Variants in AIG1 observed in about 807,000 individuals in gnomAD.
AIG1 encodes androgen induced 1, also known as androgen-induced gene 1 protein.
A neutral mutation model predicts 31.4 loss-of-function variants in AIG1; 23 were observed. The observed-to-expected ratio is 0.73, with a 90% CI of 0.53 to 1.04. The LOEUF (loss-of-function observed/expected upper bound fraction) is 1.04. Among genes scored for constraint, AIG1 ranks in the 50% least tolerant of loss-of-function variants. The pLI is 0.00. For missense variants in AIG1, 274 were observed against 295.0 expected (o/e 0.93, Z 0.52); for synonymous variants, 100 against 110.5 (o/e 0.90, Z 0.60).
At chr6:143,194,259 G>A (rs1790034676) in intron 3 of AIG1, among the ~76,000 whole-genome samples, 1 of 152,210 alleles carries the variant, frequency 6.6e-6, no homozygotes. Context: ...GTGAGAAAGA[G>A]CAAGCATGTG....
chr6:143,251,110 T>A (rs1794978102), intron 3 of AIG1, among the ~76,000 whole-genome samples: 1 of 152,226 alleles, frequency 6.6e-6, no homozygotes, highest in Non-Finnish European at 1.5e-5. Context: ...TGGAGTGCAG[T>A]GGCGCAATCT....
chr6:143,137,575 C>T (rs987289932), intron 2 of AIG1, among the ~76,000 whole-genome samples: 1 of 152,168 alleles, frequency 6.6e-6, no homozygotes, highest in African/African-American at 2.4e-5. Flanking sequence ...TCTTCAGTTA[C>T]CCAGCTGTGC....
rs577518211 is a variant in AIG1, at chr6:143,085,695, G to A, written c.141+24629G>A. On this transcript the variant is annotated intron_variant, in intron 1 of 5. Transcript: ENST00000357847. ...TAAGTACTTTGAGGCTTGGCTAAGTGCAAACAGCTCAGACATTTGAGCAGA... is the reference window on the plus strand; with the variant it reads ...TAAGTACTTTGAGGCTTGGCTAAGTACAAACAGCTCAGACATTTGAGCAGA... Among the ~76,000 whole-genome samples the A allele has an allele frequency of 2.0e-5, 3 of 152,290 alleles. No homozygotes were observed. In the South Asian group the frequency reaches 6.2e-4, roughly 32 times the overall value.
At chr6:143,110,048 A>C (rs1314342656) in intron 1 of AIG1, among the ~76,000 whole-genome samples, 1 of 152,106 alleles carries the variant, frequency 6.6e-6, no homozygotes. Context: ...TTTTTTGTAT[A>C]ATGTGAGGTA....
chr6:143,197,417 T>G (rs556363378), intron 3 of AIG1, among the ~76,000 whole-genome samples: 49 of 152,280 alleles, frequency 3.2e-4, no homozygotes, highest in African/African-American at 8.9e-4. Context: ...TTGAGCAAGT[T>G]TTTCTAAGTG....
At chr6:143,113,321 C>T (rs747508860) in intron 1 of AIG1, among the ~76,000 whole-genome samples, 1 of 152,042 alleles carries the variant, frequency 6.6e-6, no homozygotes, top group African/African-American at 2.4e-5. Flanking sequence ...TTAAAGATTT[C>T]TGGCGGGGCG....
chr6:143,271,606 T>C (rs1014384475), intron 3 of AIG1, among the ~76,000 whole-genome samples: 1 of 152,220 alleles, frequency 6.6e-6, no homozygotes, highest in Non-Finnish European at 1.5e-5. Context: ...GCATCTTTAG[T>C]ACCATTGAAA....
intron 3 of AIG1, among the ~76,000 whole-genome samples, chr6:143,204,508 G>C (rs1385018561): frequency 1.3e-5 from 2 of 152,084 alleles, no homozygotes; most frequent in Admixed American, 6.6e-5. Context: ...CAGTATTCCA[G>C]GTGAAACTAC....
chr6:143,264,163 G>A (rs17530287), intron 3 of AIG1, among the ~76,000 whole-genome samples: 11,219 of 152,178 alleles, frequency 0.074, 526 homozygotes, highest in South Asian at 0.11. Flanking sequence ...TCGTATGAGC[G>A]CGTATATGCT....
rs1401869816 is a variant in AIG1 at position 143,150,335 on chromosome 6, GA to G, written c.297+13346del. On this transcript the variant is annotated intron_variant, in intron 2 of 5. Transcript: ENST00000357847. ...TCTTATGCCTTTTATCTTAAAAAGG[GA>G]TGAAAGTAAGGAAAATGGAAAGAAG... Among the ~76,000 whole-genome samples the G allele has an allele frequency of 3.3e-5, 5 of 152,290 alleles. No individual in the cohort carries two copies. In the East Asian group the frequency reaches 9.6e-4, roughly 29 times the overall value.
upstream of AIG1, chr6:143,060,499 C>G: frequency 4.1e-6 from 1 of 243,500 alleles, no homozygotes; most frequent in South Asian, 3.2e-5. Context: ...GGCCCGGCGC[C>G]CACTAGCCAC....
At chr6:143,118,505 C>G (rs1781938948) in intron 1 of AIG1, among the ~76,000 whole-genome samples, 3 of 151,742 alleles carry the variant, frequency 2.0e-5, no homozygotes, top group Admixed American at 2.0e-4. Flanking sequence ...TTATGTACAG[C>G]ATGCTTTCAA....
chr6:143,218,988 G>C (rs577671561), intron 3 of AIG1, among the ~76,000 whole-genome samples: 87 of 152,280 alleles, frequency 5.7e-4, no homozygotes, highest in African/African-American at 1.8e-3. Context: ...GGAAACCTCT[G>C]TGAACTGAAA....
chr6:143,322,512 C>G (rs1347740510), intron 4 of AIG1, among the ~76,000 whole-genome samples: 1 of 152,156 alleles, frequency 6.6e-6, no homozygotes, highest in African/African-American at 2.4e-5. Flanking sequence ...CATCTATGTG[C>G]CTTGAGAAGC....
chr6:143,120,520 G>A (rs1446604206), intron 1 of AIG1, among the ~76,000 whole-genome samples: 1 of 152,140 alleles, frequency 6.6e-6, no homozygotes, highest in Non-Finnish European at 1.5e-5. Context: ...GAGAGTGTGT[G>A]CAGGGGAACT....
intron 3 of AIG1, among the ~76,000 whole-genome samples, chr6:143,173,979 TG>T (rs1425208391): frequency 6.6e-6 from 1 of 152,218 alleles, no homozygotes; most frequent in African/African-American, 2.4e-5. Flanking sequence ...GTGCTGTCAG[TG>T]GAGTATTGAA....
At chr6:143,255,732 G>A (rs1299009739) in intron 3 of AIG1, among the ~76,000 whole-genome samples, 2 of 152,084 alleles carry the variant, frequency 1.3e-5, no homozygotes, top group African/African-American at 4.8e-5. Flanking sequence ...TTTCTGGAGA[G>A]AGGGATCACA....
At position 143,334,486 on chromosome 6, in the gene AIG1, A is replaced by G. The variant is rs1777329031; in HGVS notation, c.679+1041A>G. Among the ~76,000 whole-genome samples the G allele has an allele frequency of 6.6e-6, 1 of 152,230 alleles. No homozygotes were observed. Among genetic ancestry groups the G allele is most frequent in the East Asian group, 1.9e-4 (1 of 5,196 alleles). On this transcript the variant is annotated intron_variant, in intron 5 of 5. Transcript: ENST00000357847. The surrounding 1 kb of genome is among the most constrained non-coding windows in gnomAD (Gnocchi z 5.1). ...GTGTCAGGGTATTAGCCAATGTTAA[A>G]TGGCGCAGAGGAATTTGAGGGTTTC... is the stretch of plus-strand genomic sequence containing the variant.
chr6:143,275,877 C>A (rs926318346), intron 3 of AIG1, among the ~76,000 whole-genome samples: 2 of 152,184 alleles, frequency 1.3e-5, no homozygotes, highest in East Asian at 3.8e-4. Context: ...TGGAAGAAAG[C>A]AAACACTAAG....
Sources: gnomAD v4.1 joint callset for allele counts (sites outside exome capture counted in the v4.1 genomes callset) on GRCh38, gnomAD v4.1.1 for gene constraint, Gnocchi (gnomAD v3.1) non-coding constraint, MANE v1.5 for transcripts, NCBI Gene and HGNC (gene_info 2026-07-23, HGNC 2026-07-21) for gene names.